ITGA8: variants seen among roughly 807,000 people sequenced by gnomAD.
The protein encoded by ITGA8 is integrin alpha-8.
Under a neutral mutation model 142.3 loss-of-function variants are expected in ITGA8, and 91 were observed. The ratio of observed to expected loss-of-function variants is 0.64; its 90% CI spans 0.54 to 0.76. ITGA8 has a LOEUF of 0.76. Among genes scored for constraint, ITGA8 ranks in the 30% least tolerant of loss-of-function variants. ITGA8 has a pLI of 0.00. For missense variants in ITGA8, 1,406 were observed against 1,327.7 expected (o/e 1.06, Z -0.92); for synonymous variants, 505 against 485.2 (o/e 1.04, Z -0.54).
At chr10:15,582,642 A>G (rs1834430234) in intron 23 of ITGA8, among the ~76,000 whole-genome samples, 1 of 152,270 alleles carries the variant, frequency 6.6e-6, no homozygotes, top group Non-Finnish European at 1.5e-5. Context: ...TACTTCACCA[A>G]AAATGAGATA....
At chr10:15,535,485 T>G (rs1473840105) in intron 27 of ITGA8, among the ~76,000 whole-genome samples, 11 of 152,192 alleles carry the variant, frequency 7.2e-5, no homozygotes, top group Admixed American at 7.2e-4. Context: ...GCTCAAGGTT[T>G]GTAAACACAC....
At chr10:15,680,216 C>CTTTTTTTTT (rs71374638) in intron 4 of ITGA8, among the ~76,000 whole-genome samples, 3 of 54,230 alleles carry the variant, frequency 5.5e-5, no homozygotes, top group African/African-American at 2.5e-4. Context: ...CCAGATGCTC[C>CTTTTTTTTT]TTTTTTTTTT....
chr10:15,549,091 C>T (rs1306985612), intron 26 of ITGA8, among the ~76,000 whole-genome samples: 2 of 151,650 alleles, frequency 1.3e-5, no homozygotes, highest in African/African-American at 2.4e-5. Context: ...AATTGCCCAG[C>T]GTATAATGAA....
intron 27 of ITGA8, among the ~76,000 whole-genome samples, chr10:15,531,740 C>A (rs1225412476): frequency 6.6e-6 from 1 of 151,682 alleles, no homozygotes; most frequent in Non-Finnish European, 1.5e-5. Context: ...GAGTTTGAGA[C>A]CATCCTGGCC....
At chr10:15,635,922 C>A (rs1264595127) in intron 13 of ITGA8, among the ~76,000 whole-genome samples, 2 of 142,292 alleles carry the variant, frequency 1.4e-5, no homozygotes, top group African/African-American at 5.1e-5. Flanking sequence ...TTATACTACA[C>A]ACACACACAC....
intron 26 of ITGA8, among the ~76,000 whole-genome samples, chr10:15,556,019 T>TC (rs1491126409): frequency 4.2e-3 from 59 of 14,184 alleles, no homozygotes; most frequent in African/African-American, 0.011. Flanking sequence ...TCTCTCTCTC[T>TC]TTTTTTTTTT....
intron 3 of ITGA8, among the ~76,000 whole-genome samples, chr10:15,685,899 A>C (rs1215834205): frequency 6.6e-6 from 1 of 152,228 alleles, no homozygotes; most frequent in Non-Finnish European, 1.5e-5. Context: ...AATAACGAGA[A>C]ATCCTCGTCA....
chr10:15,517,629 T>C (rs1260921900), intron 29 of ITGA8, among the ~76,000 whole-genome samples: 2 of 152,218 alleles, frequency 1.3e-5, no homozygotes, highest in Non-Finnish European at 2.9e-5. Flanking sequence ...TGGCCCTTTA[T>C]GTATTTTCGA....
At chr10:15,639,776 CTAATT>C (rs1441422045) in intron 13 of ITGA8, among the ~76,000 whole-genome samples, 1 of 152,168 alleles carries the variant, frequency 6.6e-6, no homozygotes, top group Non-Finnish European at 1.5e-5. Context: ...CCCAGAGTGG[CTAATT>C]TAATTGGTTT....
At chr10:15,669,709 G>T (rs1024006521) in intron 8 of ITGA8, among the ~76,000 whole-genome samples, 8 of 152,136 alleles carry the variant, frequency 5.3e-5, no homozygotes, top group African/African-American at 1.4e-4. Context: ...TGTCCTTTCT[G>T]TTTGTTAGTT....
intron 26 of ITGA8, among the ~76,000 whole-genome samples, chr10:15,556,726 T>C (rs1174075411): frequency 2.6e-5 from 4 of 152,232 alleles, no homozygotes; most frequent in Non-Finnish European, 4.4e-5. Context: ...TTATGCTCTT[T>C]TAGTTATTTT....
intron 14 of ITGA8, among the ~76,000 whole-genome samples, chr10:15,614,638 C>G (rs371712015): frequency 3.3e-5 from 5 of 152,056 alleles, no homozygotes; most frequent in Non-Finnish European, 7.4e-5. Context: ...AAGATATGAT[C>G]GTTGGAAGCC....
intron 21 of ITGA8, among the ~76,000 whole-genome samples, chr10:15,594,382 T>C (rs1040727267): frequency 1.3e-5 from 2 of 152,138 alleles, no homozygotes; most frequent in East Asian, 1.9e-4. Context: ...ACTCAACTTA[T>C]GACACTGCTA....
intron 13 of ITGA8, among the ~76,000 whole-genome samples, chr10:15,631,001 C>T (rs753857190): frequency 8.6e-5 from 13 of 151,930 alleles, no homozygotes; most frequent in Non-Finnish European, 5.9e-5. Context: ...ATCCTTCATG[C>T]ACTTTTTGAT....
intron 25 of ITGA8, among the ~76,000 whole-genome samples, chr10:15,565,905 T>C (rs879758181): frequency 3.9e-5 from 6 of 152,144 alleles, no homozygotes; most frequent in Non-Finnish European, 8.8e-5. Context: ...TCTTGATTTT[T>C]AAGGGTATGT....
At chr10:15,534,712 A>G (rs936173995) in intron 27 of ITGA8, among the ~76,000 whole-genome samples, 1 of 151,874 alleles carries the variant, frequency 6.6e-6, no homozygotes, top group Non-Finnish European at 1.5e-5. Context: ...TTTGAAGGGG[A>G]TATTGATAAG....
At chr10:15,613,567 C>G in intron 15 of ITGA8, 93 bp downstream of exon 15, 4 of 921,366 alleles carry the variant, frequency 4.3e-6, no homozygotes, top group Non-Finnish European at 7.1e-6. Flanking sequence ...TAGGCCCTAC[C>G]CCAGACTTAC....
intron 2 of ITGA8, among the ~76,000 whole-genome samples, chr10:15,689,938 A>G (rs956550234): frequency 1.3e-5 from 2 of 152,130 alleles, no homozygotes; most frequent in African/African-American, 2.4e-5. Context: ...GAACCAACTC[A>G]TACAATGGAG....
chr10:15,580,109 A>G (rs1408144379), intron 23 of ITGA8, among the ~76,000 whole-genome samples: 2 of 139,702 alleles, frequency 1.4e-5, no homozygotes, highest in African/African-American at 5.2e-5. Context: ...AACTCTAGCC[A>G]GACTGATCAG....
Sources: allele counts gnomAD v4.1 joint callset (sites outside exome capture counted in the v4.1 genomes callset), GRCh38; gene constraint gnomAD v4.1.1; transcripts MANE v1.5; gene names NCBI Gene and HGNC (gene_info 2026-07-23, HGNC 2026-07-21).